The following MGAT4C variants were observed in gnomAD, a reference collection of about 807,000 sequenced individuals.
MGAT4C encodes the protein MGAT4 family member C.
In MGAT4C, 19 loss-of-function variants were observed where a neutral mutation model predicts 40.1. That is an observed-to-expected ratio of 0.47 (90% confidence interval 0.33 to 0.70). The LOEUF is 0.70. Ranked by LOEUF, MGAT4C falls within the 30% of genes least tolerant of loss-of-function variation. MGAT4C has a pLI of 0.02. For missense variants in MGAT4C, 491 were observed against 563.2 expected, an observed-to-expected ratio of 0.87 and a Z score of 1.30; for synonymous variants, 181 against 187.1, an observed-to-expected ratio of 0.97 and a Z score of 0.27.
At chr12:86,616,732 C>A (rs1230667330) in intron 2 of MGAT4C, among the ~76,000 whole-genome samples, 1 of 148,968 alleles carries the variant, frequency 6.7e-6, no homozygotes. Flanking sequence ...CCAAGTTCAA[C>A]GAAAACAGTT....
At chr12:86,280,402 T>G (rs1457537045) in intron 4 of MGAT4C, among the ~76,000 whole-genome samples, 1 of 152,080 alleles carries the variant, frequency 6.6e-6, no homozygotes, top group East Asian at 1.9e-4. Flanking sequence ...TATTTTTATT[T>G]TAACTAAATT....
intron 1 of MGAT4C, among the ~76,000 whole-genome samples, chr12:86,741,116 C>A (rs182732738): frequency 1.3e-5 from 2 of 150,846 alleles, no homozygotes; most frequent in Non-Finnish European, 3.0e-5. Flanking sequence ...GTTTTCTGTT[C>A]CTGGTTTATT....
At chr12:86,329,102 C>G (rs917196959) in intron 4 of MGAT4C, among the ~76,000 whole-genome samples, 2 of 139,362 alleles carry the variant, frequency 1.4e-5, no homozygotes, top group Middle Eastern at 3.6e-3. Flanking sequence ...GACTCCATTT[C>G]AATAAATAAA....
At chr12:86,098,952 A>C (rs1286042938) in intron 1 of MGAT4C, among the ~76,000 whole-genome samples, 1 of 151,580 alleles carries the variant, frequency 6.6e-6, no homozygotes, top group Non-Finnish European at 1.5e-5. Flanking sequence ...TCAATTACAG[A>C]TAACCTTTCT....
At chr12:86,332,504 A>G (rs1342518596) in intron 4 of MGAT4C, among the ~76,000 whole-genome samples, 1 of 152,092 alleles carries the variant, frequency 6.6e-6, no homozygotes, top group Non-Finnish European at 1.5e-5. Flanking sequence ...TTTTCCTTTT[A>G]TATTCCTCTC....
At chr12:86,165,753 C>G (rs1886122071) in intron 1 of MGAT4C, among the ~76,000 whole-genome samples, 1 of 152,098 alleles carries the variant, frequency 6.6e-6, no homozygotes, top group South Asian at 2.1e-4. Flanking sequence ...ATTTCTCAAA[C>G]TTATTTTGAC....
chr12:86,251,171 A>C (rs947285144), intron 1 of MGAT4C, among the ~76,000 whole-genome samples: 2 of 150,740 alleles, frequency 1.3e-5, no homozygotes, highest in South Asian at 4.2e-4. Context: ...ATGAAGACTG[A>C]AAAGGGTGGA....
At chr12:86,461,186 A>T (rs1304482350) in intron 2 of MGAT4C, among the ~76,000 whole-genome samples, 1 of 151,868 alleles carries the variant, frequency 6.6e-6, no homozygotes, top group African/African-American at 2.4e-5. Flanking sequence ...AATAAATTCC[A>T]ATGTAGGGAA....
At chr12:86,181,604 G>T (rs1344061737) in intron 1 of MGAT4C, among the ~76,000 whole-genome samples, 1 of 152,072 alleles carries the variant, frequency 6.6e-6, no homozygotes, top group African/African-American at 2.4e-5. Flanking sequence ...AACAACTTAT[G>T]TAAGCAATTC....
At chr12:86,667,830 T>G (rs1215011271) in intron 2 of MGAT4C, among the ~76,000 whole-genome samples, 1 of 152,236 alleles carries the variant, frequency 6.6e-6, no homozygotes, top group African/African-American at 2.4e-5. Flanking sequence ...CTTTGACCTG[T>G]GGATTGTAGT....
chr12:86,004,430 CATT>C (rs1343834287), intron 2 of MGAT4C, among the ~76,000 whole-genome samples: 3 of 152,136 alleles, frequency 2.0e-5, no homozygotes, highest in African/African-American at 7.2e-5. Flanking sequence ...GTTGAACTCT[CATT>C]ATATGTTAAT....
chr12:86,466,131 C>A (rs1276764209), intron 2 of MGAT4C, among the ~76,000 whole-genome samples: 1 of 151,968 alleles, frequency 6.6e-6, no homozygotes, highest in African/African-American at 2.4e-5. Flanking sequence ...ATCGCTTGAA[C>A]CCAGGAGGTG....
intron 2 of MGAT4C, among the ~76,000 whole-genome samples, chr12:86,707,523 CTT>C (rs1345552501): frequency 6.9e-6 from 1 of 144,892 alleles, no homozygotes; most frequent in East Asian, 2.0e-4. Flanking sequence ...AGGAATTTTT[CTT>C]TTCTTTTTTT....
intron 1 of MGAT4C, among the ~76,000 whole-genome samples, chr12:86,813,813 T>C (rs1297888431): frequency 1.3e-5 from 2 of 152,168 alleles, no homozygotes; most frequent in East Asian, 3.9e-4. Context: ...ATAAAATGTA[T>C]TTCTCCATTT....
At chr12:86,643,070 A>C (rs754491181) in intron 2 of MGAT4C, among the ~76,000 whole-genome samples, 2 of 151,798 alleles carry the variant, frequency 1.3e-5, no homozygotes, top group Non-Finnish European at 2.9e-5. Context: ...ACTATATACT[A>C]GGTAATTTAT....
At chr12:86,003,813 A>ATT (rs144148191) in intron 2 of MGAT4C, among the ~76,000 whole-genome samples, 8 of 151,488 alleles carry the variant, frequency 5.3e-5, no homozygotes, top group Non-Finnish European at 8.8e-5. Flanking sequence ...GCAAAACTAG[A>ATT]TTTTTTTTTC....
intron 1 of MGAT4C, among the ~76,000 whole-genome samples, chr12:86,160,601 G>A (rs1025085387): frequency 1.3e-4 from 20 of 152,014 alleles, no homozygotes; most frequent in Non-Finnish European, 2.2e-4. Flanking sequence ...AATTGGTCAA[G>A]TGTCAAGTTG....
intron 2 of MGAT4C, among the ~76,000 whole-genome samples, chr12:86,673,445 G>T (rs978320090): frequency 6.6e-6 from 1 of 151,878 alleles, no homozygotes. Context: ...ACACACATGC[G>T]CAAGCGCACA....
intron 2 of MGAT4C, among the ~76,000 whole-genome samples, chr12:86,438,909 G>A (rs1215172418): frequency 1.3e-5 from 2 of 151,760 alleles, no homozygotes; most frequent in African/African-American, 4.8e-5. Context: ...AATGATAAAA[G>A]GATAATCCAA....
Sources: allele counts gnomAD v4.1 joint callset (sites outside exome capture counted in the v4.1 genomes callset), GRCh38; gene constraint gnomAD v4.1.1; transcripts MANE v1.5; gene names NCBI Gene and HGNC (gene_info 2026-07-23, HGNC 2026-07-21).